Variants in LRP2 observed in about 807,000 individuals in gnomAD.
LRP2 encodes low-density lipoprotein receptor-related protein 2.
In LRP2, 172 loss-of-function variants were observed where a neutral mutation model predicts 531.0. The observed-to-expected ratio is 0.32, with a 90% CI of 0.29 to 0.37. The LOEUF is 0.37. Among genes scored for constraint, LRP2 ranks in the 10% least tolerant of loss-of-function variants. The probability of loss-of-function intolerance (pLI) is 1.00; values close to 1 mark genes in which losing one functional copy is unlikely to be tolerated. For synonymous variants in LRP2, 1,992 were observed against 2,027.6 expected (o/e 0.98, Z 0.47); for missense variants, 5,167 against 5,868.3 (o/e 0.88, Z 3.90).
At chr2:169,327,146 CCCCCGCCCGG>C in intron 1 of LRP2, among the ~76,000 whole-genome samples, 1 of 140,274 alleles carries the variant, frequency 7.1e-6, no homozygotes, top group South Asian at 2.3e-4. Flanking sequence ...GGGGGTCAGC[CCCCCGCCCGG>C]CCAGCCGCCC....
rs140722973 is a variant in LRP2, at chr2:169,237,152, T to C, written c.4642A>G (p.Ser1548Gly). The part of the protein sequence containing the change: ...IDGSHRTVLI[S>G]KNLTNPRGLA... ...CCTCTTGGATTTGTTAGGTTTTTAC[T>C]AATCAGCACAGTCCTGTGGCTCCCA... Residue 1548 changes from serine to glycine, a missense_variant, in exon 28 of 79, where the codon AGT (serine) becomes GGT (glycine). By Grantham distance (56) the Ser-to-Gly change is moderately conservative. Transcript: ENST00000649046. 5 of 1,614,058 alleles carry C rather than the reference T, an allele frequency of 3.1e-6. No homozygotes were observed. The highest frequency in any genetic ancestry group is 2.7e-5 in the African/African-American group (2 of 75,054).
intron 16 of LRP2, among the ~76,000 whole-genome samples, chr2:169,262,735 GA>G (rs1255035619): frequency 6.7e-6 from 1 of 149,606 alleles, no homozygotes; most frequent in Non-Finnish European, 1.5e-5. Flanking sequence ...CACAGAATTG[GA>G]AAAAACTACT....
At chr2:169,220,037 C>T (rs1299716383) in intron 34 of LRP2, among the ~76,000 whole-genome samples, 1 of 152,136 alleles carries the variant, frequency 6.6e-6, no homozygotes, top group East Asian at 1.9e-4. Context: ...ATCCCTTGGC[C>T]TCAAGAGTCA....
rs562705502 is a variant in LRP2, at chr2:169,200,112, A to G, written c.8453-1201T>C. Among the ~76,000 whole-genome samples, 221 of 152,208 alleles carry G rather than the reference A, an allele frequency of 1.5e-3. 4 individuals are homozygous for G. Among genetic ancestry groups the G allele is most frequent in the East Asian group, 9.7e-4 (5 of 5,178 alleles). ...AAAAAATACAAAAAATTAGCCAGGC[A>G]TGGTGGCGGGTGCCTGTAGTCCCAG... On this transcript the variant is annotated intron_variant, in intron 44 of 78. Coordinates refer to ENST00000649046, the MANE Select transcript of LRP2 (RefSeq NM_004525.3).
At chr2:169,216,480 A>C in intron 34 of LRP2, 50 bp from the exon 35 acceptor site, 1 of 1,565,002 alleles carries the variant, frequency 6.4e-7, no homozygotes, top group Non-Finnish European at 8.8e-7. Flanking sequence ...GGTGGATTTG[A>C]GTCAGTGACA....
At chr2:169,315,695 G>C (rs1684738893) in intron 3 of LRP2, among the ~76,000 whole-genome samples, 1 of 152,158 alleles carries the variant, frequency 6.6e-6, no homozygotes, top group Non-Finnish European at 1.5e-5. Context: ...AATTAATGGA[G>C]AGCTACCAAA....
At chr2:169,238,070 G>A (rs1689670335) in intron 27 of LRP2, 21 bp downstream of exon 27, 3 of 1,608,106 alleles carry the variant, frequency 1.9e-6, no homozygotes, top group African/African-American at 1.3e-5. Flanking sequence ...CCAGGCCAAA[G>A]GTCAACAGAA....
chr2:169,262,041 A>T (rs1300744596), intron 16 of LRP2, among the ~76,000 whole-genome samples: 1 of 152,070 alleles, frequency 6.6e-6, no homozygotes, highest in Non-Finnish European at 1.5e-5. Flanking sequence ...ACAAAAGTCA[A>T]CAACCCTTCA....
chr2:169,134,615 C>T (rs1037313238), intron 76 of LRP2, among the ~76,000 whole-genome samples: 4 of 152,130 alleles, frequency 2.6e-5, no homozygotes, highest in African/African-American at 9.7e-5. Context: ...TTGAGGCTAC[C>T]GCTCTGCCCC....
chr2:169,357,257 C>CTATCT (rs1461226218), intron 1 of LRP2, among the ~76,000 whole-genome samples: 2,133 of 136,404 alleles, frequency 0.016, 54 homozygotes, highest in African/African-American at 0.061. Context: ...GCACCTTCTA[C>CTATCT]TTTCTTTTCT....
chr2:169,156,844 T>A (rs577093872), intron 64 of LRP2, among the ~76,000 whole-genome samples: 4 of 152,222 alleles, frequency 2.6e-5, no homozygotes, highest in African/African-American at 9.6e-5. Flanking sequence ...CAAAAGGAAC[T>A]CTTACAATCT....
chr2:169,243,826 T>TATGAAGTCCATG (rs1259757499), intron 22 of LRP2, among the ~76,000 whole-genome samples: 1 of 145,840 alleles, frequency 6.9e-6, no homozygotes, highest in Non-Finnish European at 1.5e-5. Flanking sequence ...TCATGAATAC[T>TATGAAGTCCATG]ATGAAGTCCA....
At chr2:169,265,069 G>C (rs1436551361) in intron 16 of LRP2, among the ~76,000 whole-genome samples, 4 of 151,450 alleles carry the variant, frequency 2.6e-5, no homozygotes, top group African/African-American at 9.7e-5. Context: ...GAGAATGAAG[G>C]CATCTATGAA....
At chr2:169,139,416 G>C (rs558627612) in intron 73 of LRP2, 45 bp from the exon 74 acceptor site, 2 of 1,614,052 alleles carry the variant, frequency 1.2e-6, no homozygotes, top group Non-Finnish European at 1.7e-6. Context: ...ATGGGAGCCC[G>C]CAATCCTGGC....
intron 16 of LRP2, among the ~76,000 whole-genome samples, chr2:169,263,064 C>A (rs1209629414): frequency 6.6e-6 from 1 of 152,146 alleles, no homozygotes; most frequent in Non-Finnish European, 1.5e-5. Flanking sequence ...GAAACTGGAT[C>A]CCTTCCTTAC....
chr2:169,270,375 G>A (rs911377715), intron 16 of LRP2, among the ~76,000 whole-genome samples: 4 of 152,252 alleles, frequency 2.6e-5, no homozygotes, highest in African/African-American at 4.8e-5. Flanking sequence ...ATCAATGATA[G>A]ACTGGATTAA....
At chr2:169,264,900 T>C (rs571040317) in intron 16 of LRP2, among the ~76,000 whole-genome samples, 9 of 152,130 alleles carry the variant, frequency 5.9e-5, no homozygotes, top group Admixed American at 2.6e-4. Flanking sequence ...AGAATGGCTA[T>C]GGGTTCAAGG....
chr2:169,314,236 AAG>A (rs932288633), intron 3 of LRP2, among the ~76,000 whole-genome samples: 4 of 137,128 alleles, frequency 2.9e-5, no homozygotes, highest in African/African-American at 1.3e-4. Flanking sequence ...TATATCTTAA[AAG>A]AAAAAAAAAA....
intron 16 of LRP2, among the ~76,000 whole-genome samples, chr2:169,266,577 C>A (rs1379528021): frequency 6.6e-6 from 1 of 152,022 alleles, no homozygotes; most frequent in Non-Finnish European, 1.5e-5. Context: ...AATTGAGTAA[C>A]TTCCCCAAAG....
Sources: gnomAD v4.1 joint callset for allele counts (sites outside exome capture counted in the v4.1 genomes callset) on GRCh38, gnomAD v4.1.1 for gene constraint, MANE v1.5 for transcripts, NCBI Gene and HGNC (gene_info 2026-07-23, HGNC 2026-07-21) for gene names.